The following PPP3CA variants were observed in gnomAD, a reference collection of about 807,000 sequenced individuals.
PPP3CA encodes CAM-PRP catalytic subunit.
In PPP3CA, 14 loss-of-function variants were observed where a neutral mutation model predicts 66.5. The observed-to-expected ratio is 0.21, with a 90% CI of 0.14 to 0.33. PPP3CA has a LOEUF of 0.33. Among genes scored for constraint, PPP3CA ranks in the 10% least tolerant of loss-of-function variants. PPP3CA has a pLI of 1.00. For synonymous variants in PPP3CA, 232 were observed against 226.2 expected (o/e 1.03, Z -0.23); for missense variants, 317 against 639.5 (o/e 0.50, Z 5.44).
chr4:101,216,115 A>C (rs1725444630), intron 1 of PPP3CA, among the ~76,000 whole-genome samples: 1 of 152,146 alleles, frequency 6.6e-6, no homozygotes, highest in South Asian at 2.1e-4. Flanking sequence ...GTGCTTTTTG[A>C]GATGAATTTT....
intron 1 of PPP3CA, among the ~76,000 whole-genome samples, chr4:101,243,751 T>A (rs1423981135): frequency 3.3e-5 from 5 of 152,122 alleles, no homozygotes; most frequent in Non-Finnish European, 7.4e-5. Context: ...CTGTATATGG[T>A]TAAGAATTCT....
At chr4:101,061,828 A>G (rs937611770) in intron 9 of PPP3CA, among the ~76,000 whole-genome samples, 1 of 152,062 alleles carries the variant, frequency 6.6e-6, no homozygotes, top group African/African-American at 2.4e-5. Flanking sequence ...CATTATTTTT[A>G]TACTATAAAC....
intron 1 of PPP3CA, among the ~76,000 whole-genome samples, chr4:101,250,967 G>A (rs759554400): frequency 3.3e-5 from 5 of 152,028 alleles, no homozygotes; most frequent in Non-Finnish European, 5.9e-5. Context: ...AAAAAGAAAG[G>A]TTGTTCTTTA....
intron 2 of PPP3CA, among the ~76,000 whole-genome samples, chr4:101,115,766 G>C (rs1721819584): frequency 6.6e-6 from 1 of 151,854 alleles, no homozygotes; most frequent in Non-Finnish European, 1.5e-5. Flanking sequence ...TTAGTGCAAA[G>C]ACTTACACAT....
chr4:101,317,603 G>A (rs1011924794), intron 1 of PPP3CA, among the ~76,000 whole-genome samples: 3 of 152,106 alleles, frequency 2.0e-5, no homozygotes, highest in Non-Finnish European at 4.4e-5. Flanking sequence ...CATATTTGCT[G>A]TAACAATATT....
chr4:101,199,372 A>AT (rs1724900317), intron 1 of PPP3CA, among the ~76,000 whole-genome samples: 2 of 152,228 alleles, frequency 1.3e-5, no homozygotes, highest in African/African-American at 4.8e-5. Flanking sequence ...TCATTGATAC[A>AT]TGAGCAGGCC....
intron 2 of PPP3CA, among the ~76,000 whole-genome samples, chr4:101,151,832 A>G (rs1723152296): frequency 6.6e-6 from 1 of 151,220 alleles, no homozygotes; most frequent in Non-Finnish European, 1.5e-5. Flanking sequence ...AATTTTTTGT[A>G]TTTTTAGTAG....
At chr4:101,051,635 T>A (rs1728014284) in intron 10 of PPP3CA, among the ~76,000 whole-genome samples, 2 of 152,148 alleles carry the variant, frequency 1.3e-5, no homozygotes, top group Admixed American at 1.3e-4. Context: ...AATACAGAGA[T>A]TCTTTGCTTT....
intron 1 of PPP3CA, among the ~76,000 whole-genome samples, chr4:101,299,211 C>G (rs1206834432): frequency 6.9e-6 from 1 of 144,922 alleles, no homozygotes; most frequent in Non-Finnish European, 1.5e-5. Context: ...TCTCAGCCTC[C>G]CAAAGTCCTG....
At chr4:101,267,334 T>C (rs1420133386) in intron 1 of PPP3CA, among the ~76,000 whole-genome samples, 2 of 152,190 alleles carry the variant, frequency 1.3e-5, no homozygotes, top group African/African-American at 4.8e-5. Flanking sequence ...GAATTATCCA[T>C]AAATGTGAAT....
At chr4:101,220,298 CG>C (rs1285374560) in intron 1 of PPP3CA, among the ~76,000 whole-genome samples, 1 of 40,250 alleles carries the variant, frequency 2.5e-5, no homozygotes, top group Non-Finnish European at 4.5e-5. Context: ...CTTGACAGCA[CG>C]TTTTTTTTTT....
intron 2 of PPP3CA, among the ~76,000 whole-genome samples, chr4:101,134,082 T>C (rs1235952851): frequency 6.6e-6 from 1 of 152,150 alleles, no homozygotes; most frequent in Non-Finnish European, 1.5e-5. Flanking sequence ...TTACACCTTA[T>C]ACAAAAATTA....
intron 2 of PPP3CA, among the ~76,000 whole-genome samples, chr4:101,123,125 T>C (rs574060974): frequency 5.9e-5 from 9 of 152,300 alleles, no homozygotes; most frequent in East Asian, 1.9e-4. Flanking sequence ...GAAGTAAACA[T>C]CTAATGAGTG....
At chr4:101,166,974 G>A (rs1411045486) in intron 2 of PPP3CA, among the ~76,000 whole-genome samples, 1 of 152,092 alleles carries the variant, frequency 6.6e-6, no homozygotes, top group East Asian at 1.9e-4. Flanking sequence ...AGTCTTTCTT[G>A]TCCCTCCTTT....
At chr4:101,261,484 A>G (rs897091944) in intron 1 of PPP3CA, among the ~76,000 whole-genome samples, 1 of 152,104 alleles carries the variant, frequency 6.6e-6, no homozygotes, top group Non-Finnish European at 1.5e-5. Flanking sequence ...CATAATATTT[A>G]CAACTTCCAG....
At chr4:101,142,547 T>G (rs1202710520) in intron 2 of PPP3CA, among the ~76,000 whole-genome samples, 1 of 152,058 alleles carries the variant, frequency 6.6e-6, no homozygotes. Context: ...CCTTTAACCC[T>G]CACAACCTAC....
At chr4:101,079,315 C>T (rs1409846184) in intron 8 of PPP3CA, among the ~76,000 whole-genome samples, 2 of 151,992 alleles carry the variant, frequency 1.3e-5, no homozygotes, top group Non-Finnish European at 2.9e-5. Context: ...TTTACCACCC[C>T]TTCTGGGCTA....
intron 8 of PPP3CA, among the ~76,000 whole-genome samples, chr4:101,064,879 T>C (rs1227316030): frequency 6.6e-6 from 1 of 152,040 alleles, no homozygotes; most frequent in Non-Finnish European, 1.5e-5. Flanking sequence ...CCTAACAATA[T>C]GTTGATGTTT....
chr4:101,076,400 C>G (rs1427906778), intron 8 of PPP3CA, among the ~76,000 whole-genome samples: 1 of 151,670 alleles, frequency 6.6e-6, no homozygotes, highest in Non-Finnish European at 1.5e-5. Flanking sequence ...TACCAAAAAG[C>G]CTCATGTGTC....
Sources: gnomAD v4.1 joint callset for allele counts (sites outside exome capture counted in the v4.1 genomes callset) on GRCh38, gnomAD v4.1.1 for gene constraint, MANE v1.5 for transcripts, NCBI Gene and HGNC (gene_info 2026-07-23, HGNC 2026-07-21) for gene names.